The following TMEM259 variants were observed in gnomAD, a reference collection of about 807,000 sequenced individuals.
TMEM259 encodes the protein membralin.
In TMEM259, 26 loss-of-function variants were observed where a neutral mutation model predicts 46.7. The ratio of observed to expected loss-of-function variants is 0.56; its 90% CI spans 0.41 to 0.77. The LOEUF (loss-of-function observed/expected upper bound fraction) is 0.77. Among genes scored for constraint, TMEM259 ranks in the 30% least tolerant of loss-of-function variants. The probability of loss-of-function intolerance (pLI) is 0.00; values close to 1 mark genes in which losing one functional copy is unlikely to be tolerated. For synonymous variants in TMEM259, 494 were observed against 395.1 expected (o/e 1.25, Z -2.97); for missense variants, 930 against 900.5 (o/e 1.03, Z -0.42).
chr19:1,020,954 T>C lies in TMEM259; in HGVS notation c.43A>G (p.Asn15Asp). ...VEPAAPGPGPNGGGGGPAPAR... is the reference protein window; with the variant it reads ...VEPAAPGPGPDGGGGGPAPAR... ...GGGGCCGGGCCGCCGCCGCCGCCGT[T>C]GGGCCCGGGCCCCGGAGCTGCGGGC... Residue 15 changes from asparagine (N) to aspartate (D), a missense_variant, in exon 1 of 11, where the codon AAC becomes GAC. By Grantham distance (23) the Asn-to-Asp change is conservative. Transcript: ENST00000356663. This position sits in a 1 kb window ranked among gnomAD's most constrained non-coding sequence, Gnocchi z 4.0. 1 of 1,265,652 alleles carries C rather than the reference T, an allele frequency of 7.9e-7. No homozygotes were observed. The highest frequency in any genetic ancestry group is 1.0e-6 in the Non-Finnish European group (1 of 1,004,360). 78.4% of individuals were successfully genotyped at this position (1,265,652 alleles called of 1,614,324 possible).
intron 2 of TMEM259, chr19:1,013,775 C>T (rs774612796): frequency 2.8e-5 from 8 of 281,938 alleles, no homozygotes; most frequent in South Asian, 1.5e-4. Context: ...ACAAGCTGAC[C>T]GGGAACCCAG....
At chr19:1,011,241 C>T (rs1856568793) in intron 9 of TMEM259, 46 bp from the exon 10 acceptor site, 1 of 1,550,562 alleles carries the variant, frequency 6.4e-7, no homozygotes, top group African/African-American at 1.4e-5. Flanking sequence ...CCCACCCTGC[C>T]AGGCCCAGCC....
In TMEM259 at chr19:1,010,501, C is replaced by G; in HGVS notation, c.1712G>C (p.Gly571Ala). 6.5e-7 allele frequency: 1 copy of G among 1,547,400 alleles called. No homozygotes were observed. The highest frequency in any genetic ancestry group is 1.2e-5 in the South Asian group (1 of 83,980). Residue 571 changes from glycine (G) to alanine (A), a missense_variant, in exon 11 of 11, where the codon GGC (glycine) becomes GCC (alanine). Physicochemically the swap from Gly to Ala is moderately conservative, Grantham distance 60 (BLOSUM62 0). Coordinates refer to ENST00000356663, the MANE Select transcript of TMEM259 (RefSeq NM_001033026.2). ...LLERRPASPLGPAGGLPHAPQ... is the reference protein window; with the variant it reads ...LLERRPASPLAPAGGLPHAPQ... ...GGCGTGGGGGAGGCCCCCAGCAGGG[C>G]CCAGCGGGCTGGCTGGACGCCGCTC...
Position 1,012,220 on chromosome 19 carries a change from C to G in TMEM259, c.719-32G>C, listed in dbSNP as rs757904664. 33 of 1,575,310 alleles carry G rather than the reference C, an allele frequency of 2.1e-5. No homozygotes were observed. The East Asian group carries it at 7.0e-4, about 34-fold the overall frequency. ...GTGGGTGAATCAGGGAGCCGGGAGC[C>G]CCGCCCAGGCCACCCCCTGGGCCCT... On this transcript the variant is annotated intron_variant, in intron 4 of 10. Coordinates refer to ENST00000356663, the MANE Select transcript of TMEM259 (RefSeq NM_001033026.2).
chr19:1,013,358 C>G lies in TMEM259; in HGVS notation c.508-18G>C, dbSNP rs200757732. The G allele has an allele frequency of 2.2e-5, 36 of 1,612,856 alleles. No individual in the cohort carries two copies. In the Admixed American group the frequency reaches 2.3e-4, roughly 10 times the overall value. On this transcript the variant is annotated intron_variant, in intron 2 of 10. Coordinates refer to ENST00000356663, the MANE Select transcript of TMEM259 (RefSeq NM_001033026.2). Reference sequence around the variant, plus strand: ...AGCTCAAACTGTGGGCGACCAGGGACCTGGGTGTCAGCAGCGCCAGCCCGG... The same window carrying G: ...AGCTCAAACTGTGGGCGACCAGGGAGCTGGGTGTCAGCAGCGCCAGCCCGG...
chr19:1,017,876 G>C (rs916201674), intron 1 of TMEM259, among the ~76,000 whole-genome samples: 1 of 152,144 alleles, frequency 6.6e-6, no homozygotes, highest in African/African-American at 2.4e-5. Flanking sequence ...TTGTCCACCC[G>C]GGGTGCTTCC....
rs116305519 is a variant in TMEM259 at position 1,020,410 on chromosome 19, C to A, written c.225+362G>T. Among the ~76,000 whole-genome samples the A allele has an allele frequency of 0.029, 4,471 of 152,178 alleles. 130 individuals are homozygous for A. The highest frequency in any genetic ancestry group is 0.14 in the East Asian group (713 of 5,162). ...GAGGTGCTACCTCGCAGGCCAGGAC[C>A]GGACTCCAAGCCTGGGTAGGTGGGG... is the stretch of plus-strand genomic sequence containing the variant. On this transcript the variant is annotated intron_variant, in intron 1 of 10. Transcript: ENST00000356663. This position sits in a 1 kb window ranked among gnomAD's most constrained non-coding sequence, Gnocchi z 4.0.
chr19:1,011,747 A>G lies in TMEM259; in HGVS notation c.994T>C (p.Phe332Leu), dbSNP rs762793807. ...LRYSHHQIFV[F>L]IVDLLQMLEM... ...GCGCCGGCGGGACACTCACCGATGA[A>G]GACGAAGATCTGGTGGTGTGAGTAC... The change falls in exon 7 of 11, where the codon TTC (phenylalanine) becomes CTC (leucine). Residue 332 changes from phenylalanine to leucine, a missense_variant. Phe to Leu is a conservative substitution (Grantham distance 22). Coordinates refer to ENST00000356663, the MANE Select transcript of TMEM259 (RefSeq NM_001033026.2). 2.6e-5 allele frequency: 40 copies of G among 1,550,550 alleles called. No homozygotes were observed. The highest frequency in any genetic ancestry group is 3.5e-5 in the Non-Finnish European group (40 of 1,146,600).
At position 1,010,406 on chromosome 19, in the gene TMEM259, C is replaced by A. The variant is rs865868288; in HGVS notation, c.1807G>T (p.Gly603Trp). The change falls in exon 11 of 11, where the codon GGG becomes TGG. Residue 603 changes from glycine to tryptophan, a missense_variant. By Grantham distance (184) the Gly-to-Trp change is radical. Transcript: ENST00000356663. ...DTTPLGAAVG[G>W]PSPASMAPTE... ...GGGGCCATGGAGGCCGGGCTAGGCCCGCCTACCGCAGCCCCCAGGGGAGTT... is the reference window on the plus strand; with the variant it reads ...GGGGCCATGGAGGCCGGGCTAGGCCAGCCTACCGCAGCCCCCAGGGGAGTT... The A allele has an allele frequency of 6.6e-7, 1 of 1,518,262 alleles. No individual in the cohort carries two copies. Among genetic ancestry groups the A allele is most frequent in the Non-Finnish European group, 8.8e-7 (1 of 1,138,030 alleles). The allele number at this position is 1,518,262 out of a possible 1,614,324, so 94.0% of individuals were successfully genotyped here. A position where few individuals can be genotyped will look rare whatever the true frequency, so the allele number is the denominator to read the frequency against.
chr19:1,010,474 G>T lies in TMEM259; in HGVS notation c.1739C>A (p.Pro580His). ...GTCACTCGGGGGGACACTGTCCTGG[G>T]GGGCGTGGGGGAGGCCCCCAGCAGG... ...LGPAGGLPHA[P>H]QDSVPPSDSA... is the part of the protein sequence containing the mutation. Residue 580 changes from proline (P) to histidine (H), a missense_variant, in exon 11 of 11, where the codon CCC (proline) becomes CAC (histidine). By Grantham distance (77) the Pro-to-His change is moderately conservative. Coordinates refer to ENST00000356663, the MANE Select transcript of TMEM259 (RefSeq NM_001033026.2). The T allele has an allele frequency of 6.5e-7, 1 of 1,545,652 alleles. No homozygotes were observed.
intron 9 of TMEM259, 61 bp from the exon 10 acceptor site, chr19:1,011,256 G>C: frequency 1.3e-6 from 2 of 1,544,760 alleles, no homozygotes; most frequent in South Asian, 2.4e-5. Context: ...CCAGCCCCTG[G>C]GGTTCCCGCG....
At chr19:1,017,474 A>G (rs1050480380) in intron 1 of TMEM259, 3 of 397,526 alleles carry the variant, frequency 7.5e-6, no homozygotes, top group Non-Finnish European at 1.3e-5. Context: ...ACCCCATCCC[A>G]CTGGCTGTGG....
At position 1,010,237 on chromosome 19, in the gene TMEM259, C is replaced by T. The variant is rs566817080; in HGVS notation, c.*113G>A. On this transcript the variant is annotated 3_prime_UTR_variant, in exon 11 of 11. Coordinates refer to ENST00000356663, the MANE Select transcript of TMEM259 (RefSeq NM_001033026.2). ...AACCCCACGAAACCCTGAAAGCCCC[C>T]GACACAGGCTGGGCAGTCCCAGAGG... is the stretch of plus-strand genomic sequence containing the variant. 3 of 1,071,438 alleles carry T rather than the reference C, an allele frequency of 2.8e-6. No individual in the cohort carries two copies. Among genetic ancestry groups the T allele is most frequent in the Non-Finnish European group, 3.8e-6 (3 of 793,952 alleles). The allele number at this position is 1,071,438 out of a possible 1,614,324, so 66.4% of individuals were successfully genotyped here.
In TMEM259 at chr19:1,014,374, C is replaced by T; in HGVS notation, c.325G>A (p.Gly109Ser). Residue 109 changes from glycine to serine, a missense_variant, in exon 2 of 11, where the codon GGC (glycine) becomes AGC (serine). Transcript: ENST00000356663. ...TGCCGCACTTCCACACGCAGGATGC[C>T]CTCACGCGGCCACTTGTCACGCACA... ...EHVRDKWPRE[G>S]ILRVEVRHNS... The T allele has an allele frequency of 6.2e-7, 1 of 1,612,874 alleles. No homozygotes were observed. Among genetic ancestry groups the T allele is most frequent in the Non-Finnish European group, 8.5e-7 (1 of 1,179,866 alleles).
chr19:1,014,170 G>A (rs757014050), intron 2 of TMEM259, 22 bp downstream of exon 2: 14 of 1,594,208 alleles, frequency 8.8e-6, no homozygotes, highest in East Asian at 6.8e-5. Context: ...CTCTGCTGCA[G>A]CTGAGCCCAG....
In TMEM259 at chr19:1,011,632, C is replaced by G. The variant is rs1329790167; in HGVS notation, c.1032G>C (p.Met344Ile). Reference protein sequence around the residue: ...VDLLQMLEMNMAIAFPAAPLL... With the variant: ...VDLLQMLEMNIAIAFPAAPLL... ...GGGGCGCTGCGGGGAAGGCGATGGC[C>G]ATGTTCATCTCCAGCATCTGCAGCA... Residue 344 changes from methionine to isoleucine, a missense_variant, in exon 8 of 11, where the codon ATG becomes ATC. Coordinates refer to ENST00000356663, the MANE Select transcript of TMEM259 (RefSeq NM_001033026.2). The G allele has an allele frequency of 1.3e-6, 2 of 1,547,082 alleles. No individual in the cohort carries two copies.
chr19:1,013,530 T>G, intron 2 of TMEM259, 190 bp from the exon 3 acceptor site: 1 of 571,058 alleles, frequency 1.8e-6, no homozygotes, highest in East Asian at 3.0e-5. Flanking sequence ...AAGCCTGCCC[T>G]GCTGTGAGGC....
In TMEM259 at chr19:1,010,271, G is replaced by A; in HGVS notation, c.*79C>T. 1 of 1,289,308 alleles carries A rather than the reference G, an allele frequency of 7.8e-7. No homozygotes were observed. Among genetic ancestry groups the A allele is most frequent in the Non-Finnish European group, 1.0e-6 (1 of 985,914 alleles). 79.9% of individuals were successfully genotyped at this position (1,289,308 alleles called of 1,614,324 possible). A position where few individuals can be genotyped will look rare whatever the true frequency, so the allele number is the denominator to read the frequency against. ...CTGGGCAGTCCCAGAGGAAGGAGGT[G>A]GCTGGCCTCCCCCACCCCCACGGGC... On this transcript the variant is annotated 3_prime_UTR_variant, in exon 11 of 11. Transcript: ENST00000356663.
In TMEM259 at chr19:1,014,288, G is replaced by A; in HGVS notation, c.411C>T (p.Phe137=). 1 of 1,612,884 alleles carries A rather than the reference G, an allele frequency of 6.2e-7. No individual in the cohort carries two copies. Residue 137 remains phenylalanine (F), a synonymous_variant, in exon 2 of 11, where the codon TTC becomes TTT. Coordinates refer to ENST00000356663, the MANE Select transcript of TMEM259 (RefSeq NM_001033026.2). ...QFCDSGGRGS[F]PGLAVEPGSN... is the part of the protein sequence containing the mutation. ...TGCCTGGTTCCACGGCCAGGCCCGG[G>A]AAGCTCCCGCGGCCGCCGCTGTCAC...
Sources: allele counts gnomAD v4.1 joint callset (sites outside exome capture counted in the v4.1 genomes callset), GRCh38; gene constraint gnomAD v4.1.1; non-coding constraint Gnocchi (gnomAD v3.1); transcripts MANE v1.5; gene names NCBI Gene and HGNC (gene_info 2026-07-23, HGNC 2026-07-21).